CCDC136: variants seen among roughly 807,000 people sequenced by gnomAD.
CCDC136 encodes coiled-coil domain containing 136, also known as coiled-coil domain-containing protein 136.
CCDC136 carries 100 observed loss-of-function variants against 141.2 expected under a neutral mutation model. The ratio of observed to expected loss-of-function variants is 0.71; its 90% confidence interval spans 0.60 to 0.84. CCDC136 has a LOEUF of 0.84. CCDC136 is among the 40% of genes least tolerant of loss of function. CCDC136 has a pLI of 0.00. For missense variants in CCDC136, 1,206 were observed against 1,379.4 expected, an observed-to-expected ratio of 0.87 and a Z score of 1.99; for synonymous variants, 474 against 531.9, an observed-to-expected ratio of 0.89 and a Z score of 1.50.
intron 8 of CCDC136, 85 bp downstream of exon 8, chr7:128,806,480 G>GTTAAAAATAATTCCA: frequency 7.5e-7 from 1 of 1,341,222 alleles, no homozygotes; most frequent in African/African-American, 1.5e-5. Flanking sequence ...AGAGTAGTGA[G>GTTAAAAATAATTCCA]TTAAAAATAA....
chr7:128,791,342 G>A (rs887054697), upstream of CCDC136: 3 of 418,318 alleles, frequency 7.2e-6, no homozygotes, highest in Non-Finnish European at 1.2e-5. The surrounding 1 kb of genome is among the most constrained non-coding windows in gnomAD (Gnocchi z 7.1). Context: ...GCTTCCGGGC[G>A]GCGGCGAGCG....
At chr7:128,815,382 G>A (rs893656510) in intron 15 of CCDC136, among the ~76,000 whole-genome samples, 7 of 152,210 alleles carry the variant, frequency 4.6e-5, no homozygotes, top group Non-Finnish European at 1.0e-4. Flanking sequence ...TTTAGTTGTG[G>A]TAGCTGTTTG....
intron 4 of CCDC136, 130 bp downstream of exon 4, chr7:128,801,639 G>A (rs1804043272): frequency 2.9e-6 from 2 of 687,024 alleles, no homozygotes; most frequent in Non-Finnish European, 4.8e-6. Flanking sequence ...TTGAATTCAA[G>A]ACTGTAGGGG....
intron 11 of CCDC136, 109 bp from the exon 12 acceptor site, chr7:128,810,030 T>G: frequency 5.7e-6 from 4 of 704,652 alleles, no homozygotes; most frequent in Non-Finnish European, 9.4e-6. Flanking sequence ...AAGTCAACCC[T>G]GAGATTCTTC....
intron 10 of CCDC136, 23 bp from the exon 11 acceptor site, chr7:128,809,427 T>TCCCCCC: frequency 1.0e-6 from 1 of 991,896 alleles, no homozygotes; most frequent in East Asian, 3.1e-5. Flanking sequence ...AACCACCCCC[T>TCCCCCC]CCACACCCGC....
intron 10 of CCDC136, 29 bp from the exon 11 acceptor site, chr7:128,809,420 CA>C: frequency 7.0e-7 from 1 of 1,431,578 alleles, no homozygotes; most frequent in Non-Finnish European, 9.6e-7. Flanking sequence ...ACAGAGTAAC[CA>C]CCCCCTCCAC....
At chr7:128,799,090 CT>C (rs1162170215) in intron 3 of CCDC136, among the ~76,000 whole-genome samples, 3 of 147,842 alleles carry the variant, frequency 2.0e-5, no homozygotes, top group Admixed American at 6.9e-5. Flanking sequence ...AATCCCAGCA[CT>C]TTGGGAAGCC....
At chr7:128,796,739 A>ATATATATATATATATATATATATATTTT in intron 3 of CCDC136, among the ~76,000 whole-genome samples, 2 of 113,382 alleles carry the variant, frequency 1.8e-5, no homozygotes, top group East Asian at 3.6e-4. Flanking sequence ...ATATATATAT[A>ATATATATATATATATATATATATATTTT]TTCTTTTTTT....
rs1034420212 is a variant in CCDC136 at position 128,810,196 on chromosome 7, G to C, written c.1858G>C (p.Gly620Arg). ...GTGTGAGCTGCAGCTGCTCTACCAAGGCATGCAGGAGGAACAGAAGAAGCT... is the reference window on the plus strand; with the variant it reads ...GTGTGAGCTGCAGCTGCTCTACCAACGCATGCAGGAGGAACAGAAGAAGCT... ...DLCELQLLYQ[G>R]MQEEQKKLIQ... Residue 620 changes from glycine to arginine, a missense_variant, in exon 12 of 18, where the codon GGC becomes CGC. Gly to Arg is a moderately radical substitution (Grantham distance 125, BLOSUM62 -2). Transcript: ENST00000297788. 1.9e-6 allele frequency: 3 copies of C among 1,609,378 alleles called. No homozygotes were observed. Among genetic ancestry groups the C allele is most frequent in the Non-Finnish European group, 2.5e-6 (3 of 1,177,838 alleles).
In CCDC136 at chr7:128,815,680, G is replaced by T. The variant is rs201740952; in HGVS notation, c.3112G>T (p.Glu1038Ter). 1.3e-6 allele frequency: 2 copies of T among 1,555,530 alleles called. No individual in the cohort carries two copies. The highest frequency in any genetic ancestry group is 1.4e-5 in the African/African-American group (1 of 73,174). The change falls in exon 16 of 18, where the codon GAA becomes TAA. Residue 1038 changes from glutamate to a stop codon, truncating the protein, a stop_gained. Transcript: ENST00000297788. LOFTEE classifies it high-confidence loss of function. ...RKLDGLAKEE[E>*]KKEEMEEEKK... ...ATTAGATGGACTAGCAAAAGAGGAG[G>T]AAAAGAAAGAGGAGATGGAGGAGGA...
Position 128,812,046 on chromosome 7 carries a change from C to T in CCDC136, c.2275C>T (p.Arg759Cys), listed in dbSNP as rs763885233. 79 of 1,613,848 alleles carry T rather than the reference C, an allele frequency of 4.9e-5. No individual in the cohort carries two copies. The highest frequency in any genetic ancestry group is 1.6e-4 in the Middle Eastern group (1 of 6,084). Residue 759 changes from arginine (R) to cysteine (C), a missense_variant, in exon 13 of 18, where the codon CGC becomes TGC. Physicochemically the swap from Arg to Cys is radical, Grantham distance 180 (BLOSUM62 -3). Coordinates refer to ENST00000297788, the MANE Select transcript of CCDC136 (RefSeq NM_022742.5). ...GSMVPSNENC[R>C]KTYDTTVDDN... is the part of the protein sequence containing the mutation. ...CATGGTCCCCAGCAATGAGAACTGT[C>T]GCAAGACTTATGATACCACTGTGGA...
Position 128,809,702 on chromosome 7 carries a change from G to A in CCDC136, c.1800+58G>A, listed in dbSNP as rs1056838155. The A allele has an allele frequency of 3.2e-6, 4 of 1,246,576 alleles. No individual in the cohort carries two copies. In the Admixed American group the frequency reaches 8.9e-5, roughly 28 times the overall value. 77.2% of individuals were successfully genotyped at this position (1,246,576 alleles called of 1,614,324 possible). ...GGAAGCTGCTCTGAGAAGCTTCCCT[G>A]TGTGACTAGGGAAAAATAAAAGGGT... On this transcript the variant is annotated intron_variant, in intron 11 of 17. Transcript: ENST00000297788.
At position 128,812,126 on chromosome 7, in the gene CCDC136, C is replaced by T; in HGVS notation, c.2355C>T (p.Ser785=). Residue 785 remains serine, a synonymous_variant, in exon 13 of 18, where the codon AGC becomes AGT. Transcript: ENST00000297788. ...CCAGCACCCAGACCAGCAGCAAGAGCTTTCTCAAGAGCTATGACAGCAGCA... is the reference window on the plus strand; with the variant it reads ...CCAGCACCCAGACCAGCAGCAAGAGTTTTCTCAAGAGCTATGACAGCAGCA... ...SYTSTQTSSK[S]FLKSYDSSTS... 3 of 1,614,048 alleles carry T rather than the reference C, an allele frequency of 1.9e-6. No homozygotes were observed. The highest frequency in any genetic ancestry group is 2.5e-6 in the Non-Finnish European group (3 of 1,179,890).
Position 128,805,986 on chromosome 7 carries a change from T to C in CCDC136, c.1089+85T>C, listed in dbSNP as rs1168116085. On this transcript the variant is annotated intron_variant, in intron 7 of 17. Coordinates refer to ENST00000297788, the MANE Select transcript of CCDC136 (RefSeq NM_022742.5). The surrounding 1 kb of genome is among the most constrained non-coding windows in gnomAD (Gnocchi z 4.6). ...CTTCAACCGGGGTGGGCACAGTGAGTATGGCTGTGCTCTGCTGACTCTTGC... is the reference window on the plus strand; with the variant it reads ...CTTCAACCGGGGTGGGCACAGTGAGCATGGCTGTGCTCTGCTGACTCTTGC... The C allele has an allele frequency of 4.7e-6, 7 of 1,482,812 alleles. No homozygotes were observed. The highest frequency in any genetic ancestry group is 5.6e-6 in the Non-Finnish European group (6 of 1,072,230). The allele number at this position is 1,482,812 out of a possible 1,614,324, so 91.9% of individuals were successfully genotyped here.
intron 13 of CCDC136, 35 bp from the exon 14 acceptor site, chr7:128,812,673 T>A (rs1245055725): frequency 6.5e-7 from 1 of 1,536,548 alleles, no homozygotes; most frequent in Non-Finnish European, 8.9e-7. Flanking sequence ...TAGGTGCTCC[T>A]CAGGGTGCTA....
At chr7:128,800,290 A>T (rs1454950460) in intron 3 of CCDC136, among the ~76,000 whole-genome samples, 2 of 151,940 alleles carry the variant, frequency 1.3e-5, no homozygotes, top group Admixed American at 6.6e-5. Context: ...TTATTTATTT[A>T]TTATTGTTAT....
Position 128,805,829 on chromosome 7 carries a change from G to C in CCDC136, c.1017G>C (p.Arg339Ser), listed in dbSNP as rs1428640919. 3 of 1,613,976 alleles carry C rather than the reference G, an allele frequency of 1.9e-6. No homozygotes were observed. The highest frequency in any genetic ancestry group is 2.5e-6 in the Non-Finnish European group (3 of 1,179,886). The change falls in exon 7 of 18, where the codon AGG becomes AGC. Residue 339 changes from arginine to serine, a missense_variant. By Grantham distance (110) the Arg-to-Ser change is moderately radical. Transcript: ENST00000297788. This position sits in a 1 kb window ranked among gnomAD's most constrained non-coding sequence, Gnocchi z 4.6. ...GCCAGGTCAGTGAGGAGGAGCAGAG[G>C]CGGCTGCAGAGGGAGCTCAAGTGTG... Reference protein sequence around the residue: ...HHRQVSEEEQRRLQRELKCAQ... With the variant: ...HHRQVSEEEQSRLQRELKCAQ...
At chr7:128,796,125 G>A (rs1050864196) in intron 3 of CCDC136, among the ~76,000 whole-genome samples, 2 of 152,106 alleles carry the variant, frequency 1.3e-5, no homozygotes, top group East Asian at 1.9e-4. Flanking sequence ...ACAGGCATGC[G>A]CCACCACACC....
At chr7:128,811,669 G>T (rs1373989603) in intron 12 of CCDC136, 131 bp from the exon 13 acceptor site, 6 of 797,196 alleles carry the variant, frequency 7.5e-6, no homozygotes, top group African/African-American at 3.5e-5. Context: ...AGAGACATAG[G>T]CCGGGGTGAG....
Sources: allele counts gnomAD v4.1 joint callset (sites outside exome capture counted in the v4.1 genomes callset), GRCh38; gene constraint gnomAD v4.1.1; non-coding constraint Gnocchi (gnomAD v3.1); transcripts MANE v1.5; gene names NCBI Gene and HGNC (gene_info 2026-07-23, HGNC 2026-07-21).